RGS20: variants seen among roughly 807,000 people sequenced by gnomAD.
The protein encoded by RGS20 is gz-selective GTPase-activating protein.
RGS20 carries 30 observed loss-of-function variants against 33.6 expected under a neutral mutation model. The ratio of observed to expected loss-of-function variants is 0.89; its 90% CI spans 0.67 to 1.21. The LOEUF (loss-of-function observed/expected upper bound fraction) is 1.21. Ranked by LOEUF, RGS20 falls within the 50% of genes most tolerant of loss-of-function variation. RGS20 has a pLI of 0.00. For missense variants in RGS20, 472 were observed against 502.4 expected, an observed-to-expected ratio of 0.94 and a Z score of 0.58; for synonymous variants, 208 against 197.9, an observed-to-expected ratio of 1.05 and a Z score of -0.43.
intron 2 of RGS20, among the ~76,000 whole-genome samples, chr8:53,934,273 G>A (rs1319586402): frequency 6.6e-6 from 1 of 152,196 alleles, no homozygotes; most frequent in Non-Finnish European, 1.5e-5. Context: ...AAGCTTAAAT[G>A]TAAACAGGCT....
intron 1 of RGS20, among the ~76,000 whole-genome samples, chr8:53,853,091 T>A (rs186971481): frequency 5.3e-4 from 80 of 152,230 alleles, no homozygotes; most frequent in Non-Finnish European, 2.5e-4. Flanking sequence ...TGCAATGAAA[T>A]GGGATGTAGT....
chr8:53,943,988 AAT>A (rs1279383756), intron 3 of RGS20, among the ~76,000 whole-genome samples: 1 of 149,050 alleles, frequency 6.7e-6, no homozygotes, highest in Non-Finnish European at 1.5e-5. Flanking sequence ...TTTAAAGAAA[AAT>A]AGAGCTACAC....
intron 2 of RGS20, among the ~76,000 whole-genome samples, chr8:53,926,627 CT>C (rs1320196540): frequency 2.0e-5 from 3 of 152,118 alleles, no homozygotes; most frequent in Non-Finnish European, 2.9e-5. Flanking sequence ...AAGAACTTCT[CT>C]GGGTTGGACA....
chr8:53,952,246 T>TG (rs917305758), intron 4 of RGS20, among the ~76,000 whole-genome samples: 1 of 115,936 alleles, frequency 8.6e-6, no homozygotes. Context: ...CCCAGCTAAT[T>TG]TTTTTTTTTT....
chr8:53,921,002 C>G (rs1813629482), intron 2 of RGS20, among the ~76,000 whole-genome samples: 1 of 152,174 alleles, frequency 6.6e-6, no homozygotes, highest in Non-Finnish European at 1.5e-5. Flanking sequence ...TCAGGTGATC[C>G]ACCCACCTCG....
At chr8:53,956,118 G>A (rs908475799) in intron 5 of RGS20, among the ~76,000 whole-genome samples, 3 of 152,134 alleles carry the variant, frequency 2.0e-5, no homozygotes, top group Non-Finnish European at 2.9e-5. Flanking sequence ...GATGGACCAA[G>A]GATAGTGAAA....
intron 2 of RGS20, among the ~76,000 whole-genome samples, chr8:53,924,528 T>TCA (rs1400482989): frequency 6.6e-6 from 1 of 151,718 alleles, no homozygotes; most frequent in Non-Finnish European, 1.5e-5. Flanking sequence ...CTTACTATGT[T>TCA]GCTCAGGCTG....
chr8:53,860,824 G>A (rs948132092), intron 1 of RGS20, among the ~76,000 whole-genome samples: 3 of 152,094 alleles, frequency 2.0e-5, no homozygotes, highest in Non-Finnish European at 4.4e-5. Flanking sequence ...AAAATTAGCT[G>A]GGTGTGGTGG....
rs187642646 is a variant in RGS20, at chr8:53,949,324, A to T, written c.743+2576A>T. Among the ~76,000 whole-genome samples, 49 of 147,758 alleles carry T rather than the reference A, an allele frequency of 3.3e-4. No individual in the cohort carries two copies. In the East Asian group the frequency reaches 8.6e-3, roughly 26 times the overall value. On this transcript the variant is annotated intron_variant, in intron 4 of 5. Transcript: ENST00000297313. ...TATATAAGATACAGTATATATATTT[A>T]TTGGTCATTTACAAAAACTTGGATT...
chr8:53,886,052 C>T (rs1379293715), intron 2 of RGS20, among the ~76,000 whole-genome samples: 3 of 152,126 alleles, frequency 2.0e-5, no homozygotes, highest in African/African-American at 7.2e-5. Context: ...TTTCAGTGCA[C>T]CACCAGGTGA....
intron 5 of RGS20, among the ~76,000 whole-genome samples, chr8:53,957,856 AAAC>A (rs1302531730): frequency 2.6e-5 from 4 of 152,122 alleles, no homozygotes; most frequent in Non-Finnish European, 4.4e-5. Flanking sequence ...GATATTTAAA[AAAC>A]AACAAGGCCG....
At chr8:53,946,282 TA>T (rs1322936209) in intron 3 of RGS20, among the ~76,000 whole-genome samples, 7 of 152,152 alleles carry the variant, frequency 4.6e-5, no homozygotes, top group Admixed American at 1.3e-4. Flanking sequence ...AGGCTGGTCT[TA>T]AACTCCTGGC....
chr8:53,862,148 C>A (rs1271318454), intron 1 of RGS20, among the ~76,000 whole-genome samples: 2 of 152,128 alleles, frequency 1.3e-5, no homozygotes, highest in African/African-American at 4.8e-5. Flanking sequence ...CACCCCTCAC[C>A]TTGGACTCTT....
intron 2 of RGS20, among the ~76,000 whole-genome samples, chr8:53,902,447 C>T (rs1166189877): frequency 6.6e-6 from 1 of 152,240 alleles, no homozygotes; most frequent in African/African-American, 2.4e-5. Context: ...TCAGCCAAAA[C>T]ACATTCTGTG....
intron 2 of RGS20, among the ~76,000 whole-genome samples, chr8:53,894,168 A>G (rs566907507): frequency 2.2e-4 from 34 of 152,290 alleles, no homozygotes; most frequent in African/African-American, 7.0e-4. Flanking sequence ...TCTGTGTCCA[A>G]CTGCCTTGTT....
chr8:53,899,354 G>T (rs922222978), intron 2 of RGS20, among the ~76,000 whole-genome samples: 1 of 152,144 alleles, frequency 6.6e-6, no homozygotes, highest in East Asian at 1.9e-4. Flanking sequence ...TATGTCAGGC[G>T]AACAAGTTAG....
intron 2 of RGS20, among the ~76,000 whole-genome samples, chr8:53,889,723 C>CTGTGTGTGTGTGTG (rs66766851): frequency 1.4e-5 from 2 of 146,010 alleles, no homozygotes; most frequent in African/African-American, 5.0e-5. Flanking sequence ...TGTCAAAATT[C>CTGTGTGTGTGTGTG]TGTGTGTGTG....
intron 2 of RGS20, among the ~76,000 whole-genome samples, chr8:53,883,449 C>G (rs1269695689): frequency 6.6e-6 from 1 of 152,074 alleles, no homozygotes. Context: ...CAGGAGTGAG[C>G]CACTGCGCCT....
rs993312770 is a variant in RGS20 at position 53,952,244 on chromosome 8, A to ATT, written c.744-1812_744-1811dup. Among the ~76,000 whole-genome samples the ATT allele has an allele frequency of 7.7e-3, 679 of 88,234 alleles. 53 individuals carry two copies. The highest frequency in any genetic ancestry group is 0.032 in the African/African-American group (597 of 18,664). 57.9% of individuals were successfully genotyped at this position (88,234 alleles called of 152,430 possible). On this transcript the variant is annotated intron_variant, in intron 4 of 5. Transcript: ENST00000297313. ...AGGCACATGCCACCATGCCCAGCTAATTTTTTTTTTTTTTTTTTTTTGAGA... is the reference window on the plus strand; with the variant it reads ...AGGCACATGCCACCATGCCCAGCTAATTTTTTTTTTTTTTTTTTTTTTTGAGA...
Sources: allele counts gnomAD v4.1 joint callset (sites outside exome capture counted in the v4.1 genomes callset), GRCh38; gene constraint gnomAD v4.1.1; transcripts MANE v1.5; gene names NCBI Gene and HGNC (gene_info 2026-07-23, HGNC 2026-07-21).